Variants in CDHR2 observed in about 807,000 individuals in gnomAD.
CDHR2 encodes cadherin related family member 2, also known as cadherin-related family member 2.
Under a neutral mutation model 138.6 loss-of-function variants are expected in CDHR2, and 104 were observed. The ratio of observed to expected loss-of-function variants is 0.75; its 90% CI spans 0.64 to 0.88. The LOEUF is 0.88. CDHR2 is among the 40% of genes least tolerant of loss of function. The pLI is 0.00. For missense variants in CDHR2, 1,624 were observed against 1,727.6 expected, an observed-to-expected ratio of 0.94 and a Z score of 1.06; for synonymous variants, 755 against 742.8, an observed-to-expected ratio of 1.02 and a Z score of -0.27.
Position 176,556,474 on chromosome 5 carries a change from G to A in CDHR2, c.-16+7060G>A, listed in dbSNP as rs143055921. Among the ~76,000 whole-genome samples the A allele has an allele frequency of 9.0e-3, 1,367 of 152,288 alleles. 8 individuals carry two copies. The highest frequency in any genetic ancestry group is 0.015 in the Non-Finnish European group (1,022 of 68,028). On this transcript the variant is annotated intron_variant, in intron 1 of 31. Transcript: ENST00000261944. ...AAGGTCAGGAGATCGAGACCATCCC[G>A]GCTAACATGGTGAAACCCAGTCTCT... is the stretch of plus-strand genomic sequence containing the variant.
At chr5:176,570,472 C>T (rs574208538) in intron 5 of CDHR2, among the ~76,000 whole-genome samples, 141 of 152,278 alleles carry the variant, frequency 9.3e-4, no homozygotes, top group African/African-American at 3.3e-3. Context: ...CAGCCTCCAG[C>T]GTAGCTGGGA....
intron 21 of CDHR2, among the ~76,000 whole-genome samples, chr5:176,587,836 C>T (rs1758705368): frequency 6.6e-6 from 1 of 152,206 alleles, no homozygotes; most frequent in Non-Finnish European, 1.5e-5. Flanking sequence ...AATTCTCCCT[C>T]TCTAGGTTGA....
At chr5:176,545,939 C>T (rs140908454), upstream of CDHR2, among the ~76,000 whole-genome samples, 1,718 of 152,360 alleles carry the variant, frequency 0.011, 17 homozygotes, top group Non-Finnish European at 0.018. Flanking sequence ...AAGGTCTGGG[C>T]AGGCCAGGAC....
At chr5:176,591,571 A>G (rs28417088) in intron 30 of CDHR2, 87 bp downstream of exon 30, 1 of 1,006,206 alleles carries the variant, frequency 9.9e-7, no homozygotes, top group South Asian at 1.3e-5. Flanking sequence ...GGTGGTGATG[A>G]TGGTGATGAC....
At chr5:176,592,235 AATG>A (rs575702341) in intron 30 of CDHR2, among the ~76,000 whole-genome samples, 141 of 94,428 alleles carry the variant, frequency 1.5e-3, no homozygotes, top group African/African-American at 5.5e-3. Flanking sequence ...TGATGATGAC[AATG>A]ATGATGGTGG....
rs1422677892 is a variant in CDHR2 at position 176,577,756 on chromosome 5, A to G, written c.1470A>G (p.Pro490=). The G allele has an allele frequency of 3.7e-6, 6 of 1,614,048 alleles. No homozygotes were observed. Among genetic ancestry groups the G allele is most frequent in the East Asian group, 2.2e-5 (1 of 44,896 alleles). The change falls in exon 14 of 32, where the codon CCA becomes CCG. Residue 490 remains proline (P), a synonymous_variant. Transcript: ENST00000261944. The part of the protein sequence containing the change: ...FPQSLYVLTV[P]EHSATGSVVT... ...AGAGCTTGTACGTCCTCACGGTGCC[A>G]GAGCACAGCGCCACCGGCTCTGTGG...
At chr5:176,544,126 C>G (rs1757526356) in intron 1 of CDHR2, among the ~76,000 whole-genome samples, 1 of 152,258 alleles carries the variant, frequency 6.6e-6, no homozygotes, top group Admixed American at 6.5e-5. Context: ...AGGTCGTCTG[C>G]TTAGCCCAGG....
rs776417984 is a variant in CDHR2, at chr5:176,565,311, G to A, written c.-15-27G>A. ...CAAAAGGAGGGAGGCCTGAGTCCAGGAGCCATTCCCTGACCTCTTCCCTTA... is the reference window on the plus strand; with the variant it reads ...CAAAAGGAGGGAGGCCTGAGTCCAGAAGCCATTCCCTGACCTCTTCCCTTA... On this transcript the variant is annotated intron_variant, in intron 1 of 31. Coordinates refer to ENST00000261944, the MANE Select transcript of CDHR2 (RefSeq NM_017675.6). The A allele has an allele frequency of 3.8e-6, 6 of 1,570,496 alleles. 1 individual carries two copies. The South Asian group carries it at 4.4e-5, about 12-fold the overall frequency.
At position 176,575,954 on chromosome 5, in the gene CDHR2, C is replaced by G; in HGVS notation, c.963C>G (p.Ala321=). 2 of 1,612,420 alleles carry G rather than the reference C, an allele frequency of 1.2e-6. No individual in the cohort carries two copies. Among genetic ancestry groups the G allele is most frequent in the Non-Finnish European group, 1.7e-6 (2 of 1,179,036 alleles). ...CTGCCCTCTGCTCTGTGCCTCAGGC[C>G]ACCGAGACACACCTCAACATCTACG... is the stretch of plus-strand genomic sequence containing the variant. The part of the protein sequence containing the change: ...ADEEVQLQVT[A]TETHLNIYGQ... The change falls in exon 12 of 32, where the codon GCC becomes GCG. Residue 321 remains alanine, a splice_region_variant and synonymous_variant. Coordinates refer to ENST00000261944, the MANE Select transcript of CDHR2 (RefSeq NM_017675.6).
Position 176,575,297 on chromosome 5 carries a change from C to A in CDHR2, c.639C>A (p.Tyr213Ter). 1 of 1,614,228 alleles carries A rather than the reference C, an allele frequency of 6.2e-7. No individual in the cohort carries two copies. The stretch of plus-strand genomic sequence containing the variant: ...CCCCGCAGGACTTGGGCGGCATGTA[C>A]CACAACACCTTCACCATCCAGTGCT... ...ELKACDLGGM[Y>*]HNTFTIQCSL... is the part of the protein sequence containing the mutation. Residue 213 changes from tyrosine to a stop codon, truncating the protein, a stop_gained, in exon 9 of 32, where the codon TAC becomes TAA. Coordinates refer to ENST00000261944, the MANE Select transcript of CDHR2 (RefSeq NM_017675.6). LOFTEE classifies it high-confidence loss of function.
In CDHR2 at chr5:176,595,625, G is replaced by T. The variant is rs779185964; in HGVS notation, c.3886G>T (p.Glu1296Ter). ...GRQAGASGQLEGPSYTNAGLD... is the reference protein window; with the variant it reads ...GRQAGASGQL ...GCAGGCAGGCGCAAGTGGACAGCTG[G>T]AGGGGCCATCCTACACCAACGCTGG... Residue 1296 changes from glutamate to a stop codon, truncating the protein, a stop_gained, in exon 32 of 32, where the codon GAG becomes TAG. Coordinates refer to ENST00000261944, the MANE Select transcript of CDHR2 (RefSeq NM_017675.6). LOFTEE classifies it high-confidence loss of function. 2 of 1,612,144 alleles carry T rather than the reference G, an allele frequency of 1.2e-6. No individual in the cohort carries two copies. The highest frequency in any genetic ancestry group is 1.7e-6 in the Non-Finnish European group (2 of 1,179,034).
At chr5:176,588,386 G>C (rs1387577368) in intron 21 of CDHR2, among the ~76,000 whole-genome samples, 1 of 142,532 alleles carries the variant, frequency 7.0e-6, no homozygotes, top group African/African-American at 2.6e-5. Context: ...TGTGAATTGA[G>C]TGTGTGGTGA....
intron 7 of CDHR2, 118 bp from the exon 8 acceptor site, chr5:176,574,966 G>T: frequency 1.6e-6 from 2 of 1,236,896 alleles, no homozygotes; most frequent in Non-Finnish European, 2.3e-6. Flanking sequence ...CATATGACCT[G>T]GTGCCAGTGG....
chr5:176,578,050 C>G lies in CDHR2; in HGVS notation c.1529C>G (p.Thr510Arg). ...GCCTCACAGGCCACGGACCCAGACA[C>G]GGGCGCGTGGGGCCAAATTACCTAC... ...TDSIHATDPD[T>R]GAWGQITYSL... Residue 510 changes from threonine (T) to arginine (R), a missense_variant, in exon 15 of 32, where the codon ACG (threonine) becomes AGG (arginine). This residue lies in a region of CDHR2 where 1,061 missense variants were observed against 1,136.6 expected (regional missense o/e 0.93). Transcript: ENST00000261944. 1 of 1,612,442 alleles carries G rather than the reference C, an allele frequency of 6.2e-7. No individual in the cohort carries two copies. Among genetic ancestry groups the G allele is most frequent in the Non-Finnish European group, 8.5e-7 (1 of 1,178,768 alleles).
chr5:176,589,852 G>A (rs1758800693), intron 24 of CDHR2, among the ~76,000 whole-genome samples: 1 of 152,222 alleles, frequency 6.6e-6, no homozygotes, highest in Non-Finnish European at 1.5e-5. Flanking sequence ...CAGTTGTGAA[G>A]GCTGTGTGTT....
intron 17 of CDHR2, among the ~76,000 whole-genome samples, chr5:176,581,805 A>G (rs969795007): frequency 2.6e-5 from 4 of 152,212 alleles, no homozygotes; most frequent in Non-Finnish European, 4.4e-5. Flanking sequence ...TAATGAATGG[A>G]AAGTGCTTGG....
At position 176,591,262 on chromosome 5, in the gene CDHR2, G is replaced by A. The variant is rs1758834587; in HGVS notation, c.3592G>A (p.Ala1198Thr). Residue 1198 changes from alanine to threonine, a missense_variant, in exon 29 of 32, where the codon GCA (alanine) becomes ACA (threonine). By Grantham distance (58) the Ala-to-Thr change is moderately conservative (BLOSUM62 0). Coordinates refer to ENST00000261944, the MANE Select transcript of CDHR2 (RefSeq NM_017675.6). Reference protein sequence around the residue: ...MKAAKEARKTAAGVMPSAPAI... With the variant: ...MKAAKEARKTTAGVMPSAPAI... ...GGCTGCCAAGGAGGCCAGGAAGACA[G>A]CAGCAGGGGTGATGCCCTCAGCCCC... 1 of 1,614,062 alleles carries A rather than the reference G, an allele frequency of 6.2e-7. No individual in the cohort carries two copies. The highest frequency in any genetic ancestry group is 8.5e-7 in the Non-Finnish European group (1 of 1,180,014).
intron 1 of CDHR2, among the ~76,000 whole-genome samples, chr5:176,561,790 C>T (rs1172109147): frequency 1.3e-5 from 2 of 152,062 alleles, no homozygotes; most frequent in African/African-American, 4.8e-5. Flanking sequence ...CAGGCATGTG[C>T]CACCTCGCCC....
At chr5:176,588,310 GTGTGTATGTGTGTGAC>G (rs1283503522) in intron 21 of CDHR2, among the ~76,000 whole-genome samples, 1 of 151,982 alleles carries the variant, frequency 6.6e-6, no homozygotes, top group African/African-American at 2.4e-5. Context: ...GTGATTGTGG[GTGTGTATGTGTGTGAC>G]TGTGCAAGTG....
Sources: gnomAD v4.1 joint callset for allele counts (sites outside exome capture counted in the v4.1 genomes callset) on GRCh38, gnomAD v4.1.1 for gene constraint, gnomAD v4.1.1 regional missense constraint, MANE v1.5 for transcripts, NCBI Gene and HGNC (gene_info 2026-07-23, HGNC 2026-07-21) for gene names.